The following PCDHGB1 variants were observed in gnomAD, a reference collection of about 807,000 sequenced individuals.
The protein encoded by PCDHGB1 is protocadherin gamma subfamily B, 1, also known as protocadherin gamma-B1.
In PCDHGB1, 34 loss-of-function variants were observed where a neutral mutation model predicts 56.6. The observed-to-expected ratio is 0.60, with a 90% CI of 0.46 to 0.80. PCDHGB1 has a LOEUF of 0.80. Ranked by LOEUF, PCDHGB1 falls within the 30% of genes least tolerant of loss-of-function variation. PCDHGB1 has a pLI of 0.00. For missense variants in PCDHGB1, 1,278 were observed against 1,204.6 expected, an observed-to-expected ratio of 1.06 and a Z score of -0.90; for synonymous variants, 561 against 505.9, an observed-to-expected ratio of 1.11 and a Z score of -1.46.
At chr5:141,434,453 T>C (rs1172243323) in intron 1 of PCDHGB1, among the ~76,000 whole-genome samples, 1 of 152,226 alleles carries the variant, frequency 6.6e-6, no homozygotes, top group Non-Finnish European at 1.5e-5. Context: ...TGGAAGGTAG[T>C]GGGTTTACCG....
chr5:141,427,924 G>T, intron 1 of PCDHGB1: 1 of 1,580,140 alleles, frequency 6.3e-7, no homozygotes, highest in Non-Finnish European at 8.7e-7. Flanking sequence ...ATGAGCCGGC[G>T]CATGTTGGTG....
chr5:141,384,941 C>A lies in PCDHGB1; in HGVS notation c.2409+32272C>A, dbSNP rs748067928. Reference sequence around the variant, plus strand: ...GCCGACCTGGGCAGCCTTGAGCCCTCCGACGGTCCTTACAACTATGACCTC... The same window carrying A: ...GCCGACCTGGGCAGCCTTGAGCCCTACGACGGTCCTTACAACTATGACCTC... On this transcript the variant is annotated intron_variant, in intron 1 of 3. Transcript: ENST00000523390. 2.5e-6 allele frequency: 4 copies of A among 1,614,104 alleles called. No homozygotes were observed. The highest frequency in any genetic ancestry group is 3.4e-6 in the Non-Finnish European group (4 of 1,180,022).
intron 2 of PCDHGB1, among the ~76,000 whole-genome samples, chr5:141,497,920 C>T (rs548251626): frequency 6.6e-6 from 1 of 152,336 alleles, no homozygotes; most frequent in East Asian, 1.9e-4. Flanking sequence ...CTCCTTCATT[C>T]ATTCAACAAA....
chr5:141,375,511 A>C (rs372798366), intron 1 of PCDHGB1: 2 of 1,613,960 alleles, frequency 1.2e-6, no homozygotes, highest in South Asian at 2.2e-5. Flanking sequence ...CTGTGAATGC[A>C]CTGGACCCTG....
intron 1 of PCDHGB1, chr5:141,426,204 T>C (rs10046053): frequency 0.11 from 17,599 of 155,696 alleles, 1,197 homozygotes; most frequent in African/African-American, 0.19. Flanking sequence ...TTGAGTTTTC[T>C]ATGTATGGAA....
At chr5:141,460,883 C>T (rs371847673) in intron 1 of PCDHGB1, among the ~76,000 whole-genome samples, 2 of 149,996 alleles carry the variant, frequency 1.3e-5, no homozygotes, top group East Asian at 2.0e-4. Context: ...TATTTCATGC[C>T]TTTTCGTGGC....
At chr5:141,393,203 C>A in intron 1 of PCDHGB1, 1 of 1,613,514 alleles carries the variant, frequency 6.2e-7, no homozygotes, top group South Asian at 1.1e-5. Context: ...ACGATAATAA[C>A]CCAAAATTCC....
rs762926348 is a variant in PCDHGB1, at chr5:141,408,364, A to C, written c.2409+55695A>C. ...TGGTGGGGAACCTCGCTAAGGATCTAGGGCTCAGTGTCCTGGATGTGTCGG... is the reference window on the plus strand; with the variant it reads ...TGGTGGGGAACCTCGCTAAGGATCTCGGGCTCAGTGTCCTGGATGTGTCGG... On this transcript the variant is annotated intron_variant, in intron 1 of 3. Transcript: ENST00000523390. 3.7e-6 allele frequency: 6 copies of C among 1,613,960 alleles called. No individual in the cohort carries two copies. In the East Asian group the frequency reaches 1.3e-4, roughly 36 times the overall value.
At chr5:141,419,504 C>A in intron 1 of PCDHGB1, 1 of 1,612,298 alleles carries the variant, frequency 6.2e-7, no homozygotes, top group Non-Finnish European at 8.5e-7. Flanking sequence ...TGTGAGCCTG[C>A]GCGTGTTGGT....
chr5:141,490,700 C>T lies in PCDHGB1; in HGVS notation c.2410-4107C>T. The T allele has an allele frequency of 6.2e-7, 1 of 1,614,152 alleles. No individual in the cohort carries two copies. Among genetic ancestry groups the T allele is most frequent in the Non-Finnish European group, 8.5e-7 (1 of 1,179,984 alleles). ...TCAGATCCAGACACTGGGGATAATG[C>T]CCGCCTCACCTACTCCATTGTAGGA... On this transcript the variant is annotated intron_variant, in intron 1 of 3. Transcript: ENST00000523390. This position sits in a 1 kb window ranked among gnomAD's most constrained non-coding sequence, Gnocchi z 5.4.
intron 1 of PCDHGB1, among the ~76,000 whole-genome samples, chr5:141,469,304 C>T (rs890230691): frequency 2.0e-5 from 3 of 151,892 alleles, no homozygotes; most frequent in East Asian, 1.9e-4. Flanking sequence ...AGACTGGGCA[C>T]GATGGCTCAC....
intron 1 of PCDHGB1, chr5:141,421,801 A>G (rs754191783): frequency 6.2e-7 from 1 of 1,613,858 alleles, no homozygotes; most frequent in Middle Eastern, 1.6e-4. Flanking sequence ...TGGGGCCAAG[A>G]ATCCAGAGCT....
intron 1 of PCDHGB1, chr5:141,384,537 G>A: frequency 1.2e-6 from 2 of 1,614,248 alleles, no homozygotes; most frequent in Non-Finnish European, 1.7e-6. Flanking sequence ...GCAGCAACAT[G>A]TCACTGAGCC....
At position 141,431,918 on chromosome 5, in the gene PCDHGB1, C is replaced by T; in HGVS notation, c.2410-62889C>T. On this transcript the variant is annotated intron_variant, in intron 1 of 3. Transcript: ENST00000523390. This position sits in a 1 kb window ranked among gnomAD's most constrained non-coding sequence, Gnocchi z 4.8. Reference sequence around the variant, plus strand: ...AAACGGACAGGTGATCTGTTTCATCCAAGGAAATCTGCCCTTTAAATTAGA... The same window carrying T: ...AAACGGACAGGTGATCTGTTTCATCTAAGGAAATCTGCCCTTTAAATTAGA... The T allele has an allele frequency of 6.2e-7, 1 of 1,613,998 alleles. No individual in the cohort carries two copies. The highest frequency in any genetic ancestry group is 8.5e-7 in the Non-Finnish European group (1 of 1,179,862).
intron 1 of PCDHGB1, chr5:141,478,150 C>T (rs569939900): frequency 6.2e-7 from 1 of 1,614,086 alleles, no homozygotes; most frequent in African/African-American, 1.3e-5. Flanking sequence ...CCGAGTTCCC[C>T]TCTGGCTCTG....
chr5:141,357,353 G>C (rs772395094), intron 1 of PCDHGB1: 11 of 1,614,124 alleles, frequency 6.8e-6, no homozygotes, highest in Non-Finnish European at 9.3e-6. Context: ...AAGCTGAGAC[G>C]CTGGCACAAG....
At chr5:141,399,378 C>T (rs368139061) in intron 1 of PCDHGB1, 1,186 of 1,613,874 alleles carry the variant, frequency 7.3e-4, no homozygotes, top group Non-Finnish European at 9.6e-4. Flanking sequence ...ACAATGTCAC[C>T]ATCACAGCCA....
chr5:141,419,996 C>G, intron 1 of PCDHGB1: 1 of 1,614,084 alleles, frequency 6.2e-7, no homozygotes, highest in Non-Finnish European at 8.5e-7. Context: ...AGCTATTGCT[C>G]TACGCCTGCG....
In PCDHGB1 at chr5:141,477,928, C is replaced by T; in HGVS notation, c.2410-16879C>T. On this transcript the variant is annotated intron_variant, in intron 1 of 3. Coordinates refer to ENST00000523390, the MANE Select transcript of PCDHGB1 (RefSeq NM_018922.3). This position sits in a 1 kb window ranked among gnomAD's most constrained non-coding sequence, Gnocchi z 4.9. ...GGGACGCGGATGCAGGGCACAATGC[C>T]TGGCTCTCCTACAGTCTCTTGGGAT... The T allele has an allele frequency of 6.2e-7, 1 of 1,614,186 alleles. No individual in the cohort carries two copies.
Sources: gnomAD v4.1 joint callset for allele counts (sites outside exome capture counted in the v4.1 genomes callset) on GRCh38, gnomAD v4.1.1 for gene constraint, Gnocchi (gnomAD v3.1) non-coding constraint, MANE v1.5 for transcripts, NCBI Gene and HGNC (gene_info 2026-07-23, HGNC 2026-07-21) for gene names.